The following FOXP1 variants were observed in gnomAD, a reference collection of about 807,000 sequenced individuals.
The protein encoded by FOXP1 is forkhead box P1.
Under a neutral mutation model 98.2 loss-of-function variants are expected in FOXP1, and 15 were observed. The ratio of observed to expected loss-of-function variants is 0.15; its 90% CI spans 0.10 to 0.24. FOXP1 has a LOEUF of 0.24. Among genes scored for constraint, FOXP1 ranks in the 10% least tolerant of loss-of-function variants. The pLI is 1.00. For missense variants in FOXP1, 633 were observed against 848.5 expected, an observed-to-expected ratio of 0.75 and a Z score of 3.15; for synonymous variants, 371 against 314.5, an observed-to-expected ratio of 1.18 and a Z score of -1.90.
intron 2 of FOXP1, among the ~76,000 whole-genome samples, chr3:71,506,414 T>A (rs2041826106): frequency 6.6e-6 from 1 of 152,054 alleles, no homozygotes; most frequent in Admixed American, 6.6e-5. Flanking sequence ...GCGGCGTATC[T>A]GCTATTCGAA....
chr3:71,423,500 A>C (rs1398487799), intron 3 of FOXP1, among the ~76,000 whole-genome samples: 2 of 152,222 alleles, frequency 1.3e-5, no homozygotes, highest in East Asian at 3.8e-4. Context: ...GCTCAACTTT[A>C]TAGGATATCC....
intron 9 of FOXP1, among the ~76,000 whole-genome samples, chr3:71,049,141 A>C (rs1172243856): frequency 6.6e-6 from 1 of 152,158 alleles, no homozygotes; most frequent in African/African-American, 2.4e-5. Context: ...GCAGGTCAGT[A>C]GTCAGTGTTA....
chr3:70,960,300 A>G (rs2033042107), intron 20 of FOXP1, among the ~76,000 whole-genome samples: 1 of 152,320 alleles, frequency 6.6e-6, no homozygotes, highest in South Asian at 2.1e-4. Context: ...AATCAGAATA[A>G]TAACGCTGTC....
chr3:71,131,505 T>C (rs1007468884), intron 6 of FOXP1, among the ~76,000 whole-genome samples: 3 of 152,210 alleles, frequency 2.0e-5, no homozygotes, highest in Admixed American at 6.5e-5. Flanking sequence ...ATTTGTTATT[T>C]AGCATGGAAT....
intron 2 of FOXP1, among the ~76,000 whole-genome samples, chr3:71,577,337 T>G (rs1452090077): frequency 6.6e-6 from 1 of 152,036 alleles, no homozygotes; most frequent in African/African-American, 2.4e-5. Flanking sequence ...AATCAAATAT[T>G]CCTTACAACA....
intron 3 of FOXP1, among the ~76,000 whole-genome samples, chr3:71,480,916 A>G (rs964200695): frequency 2.0e-5 from 3 of 152,118 alleles, no homozygotes; most frequent in African/African-American, 7.2e-5. Flanking sequence ...TGCAGTGTGG[A>G]TGTTCATGTA....
intron 2 of FOXP1, among the ~76,000 whole-genome samples, chr3:71,496,689 G>A (rs2091438120): frequency 6.6e-6 from 1 of 151,896 alleles, no homozygotes; most frequent in African/African-American, 2.4e-5. Flanking sequence ...GTATGGTGAC[G>A]CCAGCTACTA....
At chr3:71,123,975 G>A (rs1158147239) in intron 6 of FOXP1, among the ~76,000 whole-genome samples, 1 of 152,002 alleles carries the variant, frequency 6.6e-6, no homozygotes, top group East Asian at 1.9e-4. Flanking sequence ...AACAGATGAG[G>A]GAGAGAGACA....
intron 7 of FOXP1, among the ~76,000 whole-genome samples, chr3:71,103,762 A>G (rs1201807672): frequency 6.6e-6 from 1 of 152,182 alleles, no homozygotes. Context: ...ACTCAAATTG[A>G]CAGGGAACGT....
At chr3:71,104,967 A>T (rs1351394272) in intron 7 of FOXP1, among the ~76,000 whole-genome samples, 3 of 152,018 alleles carry the variant, frequency 2.0e-5, no homozygotes, top group Non-Finnish European at 1.5e-5. Flanking sequence ...GTAATCATAT[A>T]TGTGAGGCCC....
chr3:71,013,017 G>A (rs1389309902), intron 12 of FOXP1, among the ~76,000 whole-genome samples: 1 of 152,098 alleles, frequency 6.6e-6, no homozygotes, highest in Non-Finnish European at 1.5e-5. Flanking sequence ...TACAAAAATG[G>A]AGGGCAGTTT....
chr3:71,105,918 T>C (rs1445560535), intron 7 of FOXP1, among the ~76,000 whole-genome samples: 2 of 152,198 alleles, frequency 1.3e-5, no homozygotes, highest in East Asian at 1.9e-4. Flanking sequence ...GCTTATAATA[T>C]GGAAAATAGC....
At chr3:70,970,911 C>A in intron 18 of FOXP1, 106 bp from the exon 19 acceptor site, 1 of 844,056 alleles carries the variant, frequency 1.2e-6, no homozygotes, top group South Asian at 1.4e-5. Flanking sequence ...TGAGCAATTT[C>A]CCCCACTAGC....
At chr3:71,210,839 A>G (rs1218809900) in intron 5 of FOXP1, 2 of 152,218 alleles carry the variant, frequency 1.3e-5, no homozygotes, top group Non-Finnish European at 2.9e-5. Context: ...TCAGGAGAAA[A>G]TGCTGATGAT....
intron 1 of FOXP1, chr3:71,582,286 G>A (rs894468441): frequency 2.0e-6 from 2 of 981,406 alleles, no homozygotes; most frequent in Non-Finnish European, 2.4e-6. Flanking sequence ...TGTCTGAAAA[G>A]GAGGGAGGCG....
chr3:71,103,402 T>G (rs76967075), intron 7 of FOXP1, among the ~76,000 whole-genome samples: 73 of 151,180 alleles, frequency 4.8e-4, no homozygotes, highest in African/African-American at 1.8e-3. Flanking sequence ...CCTTGTGATT[T>G]TAGAAGTGTA....
At chr3:71,537,985 C>T (rs541375170) in intron 2 of FOXP1, among the ~76,000 whole-genome samples, 1 of 152,302 alleles carries the variant, frequency 6.6e-6, no homozygotes, top group African/African-American at 2.4e-5. Context: ...TCTATGGCTG[C>T]TTTTGCACTA....
chr3:71,484,563 T>G (rs570975754), intron 3 of FOXP1, among the ~76,000 whole-genome samples: 3 of 152,292 alleles, frequency 2.0e-5, no homozygotes, highest in African/African-American at 7.2e-5. Flanking sequence ...AGCACTGTAT[T>G]AAGGACTTTT....
At chr3:71,556,658 C>T (rs2046162368) in intron 2 of FOXP1, among the ~76,000 whole-genome samples, 1 of 146,922 alleles carries the variant, frequency 6.8e-6, no homozygotes, top group Non-Finnish European at 1.5e-5. Flanking sequence ...GTGGAAACTG[C>T]CATAGTCTTT....
Sources: allele counts gnomAD v4.1 joint callset (sites outside exome capture counted in the v4.1 genomes callset), GRCh38; gene constraint gnomAD v4.1.1; transcripts MANE v1.5; gene names NCBI Gene and HGNC (gene_info 2026-07-23, HGNC 2026-07-21).